The following TENM3 variants were observed in gnomAD, a reference collection of about 807,000 sequenced individuals.
The protein encoded by TENM3 is teneurin transmembrane protein 3.
A neutral mutation model predicts 255.1 loss-of-function variants in TENM3; 63 were observed. The observed-to-expected ratio is 0.25, with a 90% CI of 0.20 to 0.30. The LOEUF (loss-of-function observed/expected upper bound fraction) is 0.30, where lower values mean the gene tolerates loss of function less well. Ranked by LOEUF, TENM3 falls within the 10% of genes least tolerant of loss-of-function variation. The probability of loss-of-function intolerance (pLI) is 1.00; values close to 1 mark genes in which losing one functional copy is unlikely to be tolerated. For missense variants in TENM3, 2,929 were observed against 3,461.1 expected, an observed-to-expected ratio of 0.85 and a Z score of 3.86; for synonymous variants, 1,306 against 1,322.3, an observed-to-expected ratio of 0.99 and a Z score of 0.27.
At chr4:182,100,688 T>TACAC in the TENM3 span, among the ~76,000 whole-genome samples, 13 of 79,006 alleles carry the variant, frequency 1.6e-4, no homozygotes, top group East Asian at 4.1e-4. Context: ...TACACACATA[T>TACAC]ATATACACAC....
the TENM3 span, among the ~76,000 whole-genome samples, chr4:181,477,501 T>G: frequency 6.6e-6 from 1 of 152,296 alleles, no homozygotes; most frequent in East Asian, 1.9e-4. Flanking sequence ...TGGGATATTT[T>G]ATTAGAAATA....
At chr4:181,882,067 A>G in the TENM3 span, among the ~76,000 whole-genome samples, 1 of 152,324 alleles carries the variant, frequency 6.6e-6, no homozygotes, top group African/African-American at 2.4e-5. Flanking sequence ...TAATTCTGGA[A>G]GTTCAAGGTT....
chr4:182,542,681 G>C (rs1741004269), intron 3 of TENM3, among the ~76,000 whole-genome samples: 1 of 152,120 alleles, frequency 6.6e-6, no homozygotes, highest in Non-Finnish European at 1.5e-5. Context: ...ACTCTTTCAT[G>C]ATGAAGCTCG....
intron 3 of TENM3, among the ~76,000 whole-genome samples, chr4:182,448,519 G>C (rs1307053802): frequency 6.6e-6 from 1 of 152,232 alleles, no homozygotes; most frequent in African/African-American, 2.4e-5. Flanking sequence ...GGCAGAGCAG[G>C]GGTCGGGATC....
chr4:181,692,591 A>T, the TENM3 span, among the ~76,000 whole-genome samples: 3 of 152,208 alleles, frequency 2.0e-5, no homozygotes, highest in Non-Finnish European at 1.5e-5. Context: ...TTAGTTTGGT[A>T]TTGCATTAAT....
At chr4:181,901,336 T>C in the TENM3 span, among the ~76,000 whole-genome samples, 3 of 152,158 alleles carry the variant, frequency 2.0e-5, no homozygotes, top group Non-Finnish European at 4.4e-5. Context: ...TTACAATTCC[T>C]CTGCCACAAG....
At chr4:182,753,228 G>A (rs527860587) in intron 20 of TENM3, among the ~76,000 whole-genome samples, 32 of 152,272 alleles carry the variant, frequency 2.1e-4, no homozygotes, top group Non-Finnish European at 3.4e-4. Context: ...GATTGCAGGC[G>A]TGAGCCACCA....
At chr4:181,661,114 A>G in the TENM3 span, among the ~76,000 whole-genome samples, 3 of 152,176 alleles carry the variant, frequency 2.0e-5, no homozygotes, top group South Asian at 6.2e-4. Context: ...AAGATAAATA[A>G]TTGTCAAATT....
the TENM3 span, among the ~76,000 whole-genome samples, chr4:181,582,309 T>A: frequency 6.6e-6 from 1 of 151,598 alleles, no homozygotes; most frequent in Admixed American, 6.6e-5. Flanking sequence ...AAAAAAAAAA[T>A]CATTTGTGAT....
intron 3 of TENM3, among the ~76,000 whole-genome samples, chr4:182,436,488 C>T (rs972564097): frequency 2.6e-4 from 39 of 152,144 alleles, no homozygotes; most frequent in African/African-American, 8.7e-4. Flanking sequence ...TGCGCTCTAA[C>T]GTGTGTGACA....
the TENM3 span, among the ~76,000 whole-genome samples, chr4:181,916,352 G>C: frequency 6.6e-6 from 1 of 152,146 alleles, no homozygotes; most frequent in Non-Finnish European, 1.5e-5. Context: ...AAATTAAACT[G>C]TAAATTCCAT....
the TENM3 span, among the ~76,000 whole-genome samples, chr4:181,696,235 T>A: frequency 6.6e-6 from 1 of 152,190 alleles, no homozygotes; most frequent in South Asian, 2.1e-4. Context: ...AGAAATCTTG[T>A]AATGATACCG....
At chr4:181,903,005 A>G in the TENM3 span, among the ~76,000 whole-genome samples, 10,694 of 152,176 alleles carry the variant, frequency 0.07, 567 homozygotes, top group African/African-American at 0.15. Flanking sequence ...TAACTTTTCA[A>G]TTTTAAGTTT....
intron 1 of TENM3, among the ~76,000 whole-genome samples, chr4:182,201,678 T>C (rs1579693810): frequency 6.6e-6 from 1 of 150,574 alleles, no homozygotes; most frequent in East Asian, 2.0e-4. Context: ...GGGTGGGGGG[T>C]CTGGAAAGGC....
At chr4:182,737,621 G>A (rs1403377073) in intron 17 of TENM3, among the ~76,000 whole-genome samples, 1 of 152,164 alleles carries the variant, frequency 6.6e-6, no homozygotes, top group Non-Finnish European at 1.5e-5. Context: ...AGTGTGACAT[G>A]TTGAGAGACA....
chr4:182,748,291 A>G (rs189834166), intron 19 of TENM3, among the ~76,000 whole-genome samples: 3 of 152,340 alleles, frequency 2.0e-5, no homozygotes, highest in Admixed American at 2.0e-4. Flanking sequence ...TCAACCAATC[A>G]CATGAGAATG....
At chr4:181,781,295 C>T in the TENM3 span, among the ~76,000 whole-genome samples, 1 of 152,226 alleles carries the variant, frequency 6.6e-6, no homozygotes, top group African/African-American at 2.4e-5. Flanking sequence ...TCTTTCATTT[C>T]GTTGAGCAGT....
chr4:182,050,972 C>A, the TENM3 span, among the ~76,000 whole-genome samples: 1 of 152,160 alleles, frequency 6.6e-6, no homozygotes, highest in Admixed American at 6.5e-5. Context: ...TCTGTTGAGT[C>A]CTCAGTTCAC....
At chr4:182,666,416 A>G (rs1378325966) in intron 6 of TENM3, among the ~76,000 whole-genome samples, 1 of 152,202 alleles carries the variant, frequency 6.6e-6, no homozygotes, top group Non-Finnish European at 1.5e-5. Flanking sequence ...TGGCAAACTT[A>G]ATTATTGTCT....
Sources: gnomAD v4.1 joint callset for allele counts (sites outside exome capture counted in the v4.1 genomes callset) on GRCh38, gnomAD v4.1.1 for gene constraint, MANE v1.5 for transcripts, NCBI Gene and HGNC (gene_info 2026-07-23, HGNC 2026-07-21) for gene names.